Variants in IKBKB-DT observed in about 807,000 individuals in gnomAD.
The protein encoded by IKBKB-DT is IKBKB divergent transcript, also known as IKBKB antisense RNA.
intron 3 of IKBKB-DT, among the ~76,000 whole-genome samples, chr8:42,262,481 C>A (rs1246861835): frequency 6.8e-6 from 1 of 146,028 alleles, no homozygotes; most frequent in Non-Finnish European, 1.5e-5. Context: ...ACTCTGTGGC[C>A]CAGGCTGGAG....
chr8:42,241,488 T>C (rs1022728361), intron 3 of IKBKB-DT, among the ~76,000 whole-genome samples: 2 of 152,074 alleles, frequency 1.3e-5, no homozygotes, highest in Non-Finnish European at 2.9e-5. Flanking sequence ...CTGCTTCTAG[T>C]TTCAAAATGT....
chr8:42,236,492 G>A (rs193062194), intron 3 of IKBKB-DT, among the ~76,000 whole-genome samples: 159 of 152,306 alleles, frequency 1.0e-3, no homozygotes, highest in Middle Eastern at 0.01. Context: ...GGGGCTGGGC[G>A]CAGTGTCTCA....
chr8:42,256,026 CA>C (rs57264654), intron 3 of IKBKB-DT, among the ~76,000 whole-genome samples: 67,458 of 128,888 alleles, frequency 0.52, 17,798 homozygotes, highest in Admixed American at 0.64. Flanking sequence ...AACTCCATCT[CA>C]AAAAAAAAAA....
chr8:42,269,690 G>A (rs970064192), intron 1 of IKBKB-DT, among the ~76,000 whole-genome samples: 2 of 151,934 alleles, frequency 1.3e-5, no homozygotes, highest in East Asian at 1.9e-4. Context: ...GGGAGAAACC[G>A]AGCAGCCAGC....
intron 3 of IKBKB-DT, among the ~76,000 whole-genome samples, chr8:42,260,920 AC>A (rs1563278509): frequency 6.6e-6 from 1 of 152,202 alleles, no homozygotes; most frequent in Non-Finnish European, 1.5e-5. Context: ...GTGCAAAGAT[AC>A]AGCCCTTTCC....
intron 3 of IKBKB-DT, among the ~76,000 whole-genome samples, chr8:42,246,192 A>G (rs1279824019): frequency 1.3e-5 from 2 of 152,144 alleles, no homozygotes; most frequent in Non-Finnish European, 2.9e-5. Flanking sequence ...GCATGCCACC[A>G]TGCCGGGCTA....
At chr8:42,238,663 G>T (rs1294696198) in intron 3 of IKBKB-DT, among the ~76,000 whole-genome samples, 1 of 152,190 alleles carries the variant, frequency 6.6e-6, no homozygotes, top group African/African-American at 2.4e-5. Flanking sequence ...CATCCTTGTT[G>T]TAGAACCTAA....
At chr8:42,239,916 G>A (rs1806978756) in intron 3 of IKBKB-DT, among the ~76,000 whole-genome samples, 1 of 151,700 alleles carries the variant, frequency 6.6e-6, no homozygotes, top group Admixed American at 6.6e-5. Flanking sequence ...TGGGATTATA[G>A]GCATGAGCCA....
At chr8:42,258,180 C>CA (rs1807232604) in intron 3 of IKBKB-DT, among the ~76,000 whole-genome samples, 4 of 152,144 alleles carry the variant, frequency 2.6e-5, no homozygotes. Flanking sequence ...GAAGATGAAA[C>CA]TCTAGTTTTA....
At chr8:42,258,038 A>G (rs1807230734) in intron 3 of IKBKB-DT, among the ~76,000 whole-genome samples, 1 of 152,022 alleles carries the variant, frequency 6.6e-6, no homozygotes, top group Non-Finnish European at 1.5e-5. Flanking sequence ...TTCTGATAAG[A>G]CGCAGATTTT....
chr8:42,246,304 A>G (rs1229473535), intron 3 of IKBKB-DT, among the ~76,000 whole-genome samples: 2 of 152,202 alleles, frequency 1.3e-5, no homozygotes, highest in Non-Finnish European at 1.5e-5. Context: ...TTGGAATTAC[A>G]GGTGTAAGCC....
chr8:42,234,281 C>T (rs1376039970), intron 3 of IKBKB-DT, among the ~76,000 whole-genome samples: 2 of 152,186 alleles, frequency 1.3e-5, no homozygotes, highest in Admixed American at 1.3e-4. Flanking sequence ...GTTCGCCTGA[C>T]TTTCCTGGTG....
intron 1 of IKBKB-DT, among the ~76,000 whole-genome samples, chr8:42,269,047 G>A (rs1807425121): frequency 6.6e-6 from 1 of 151,572 alleles, no homozygotes; most frequent in Non-Finnish European, 1.5e-5. Context: ...AGAAGCGGTG[G>A]CTCACACCTG....
intron 3 of IKBKB-DT, chr8:42,255,293 T>G (rs1417732243): frequency 6.6e-6 from 1 of 152,192 alleles, no homozygotes; most frequent in South Asian, 2.1e-4. Flanking sequence ...AGTTTACTTT[T>G]TAATTAAAAA....
intron 3 of IKBKB-DT, among the ~76,000 whole-genome samples, chr8:42,252,128 A>G (rs1273800807): frequency 1.3e-5 from 2 of 152,238 alleles, no homozygotes; most frequent in African/African-American, 4.8e-5. Flanking sequence ...ATATGCAGTA[A>G]AAGAGCAGGT....
chr8:42,236,665 G>A (rs1033327499), intron 3 of IKBKB-DT, among the ~76,000 whole-genome samples: 1 of 152,192 alleles, frequency 6.6e-6, no homozygotes, highest in African/African-American at 2.4e-5. Context: ...GCTGAGACAG[G>A]AGAATTGCTT....
intron 3 of IKBKB-DT, among the ~76,000 whole-genome samples, chr8:42,257,749 C>T (rs1025235012): frequency 2.0e-5 from 3 of 151,926 alleles, no homozygotes; most frequent in Non-Finnish European, 4.4e-5. Context: ...GCCTGGGCAG[C>T]ATAGGAGGAG....
intron 3 of IKBKB-DT, among the ~76,000 whole-genome samples, chr8:42,257,337 AC>A (rs1441484238): frequency 1.3e-5 from 2 of 151,756 alleles, no homozygotes; most frequent in Non-Finnish European, 2.9e-5. Context: ...CCCCATCTCT[AC>A]TAAAAATACA....
intron 3 of IKBKB-DT, among the ~76,000 whole-genome samples, chr8:42,258,399 C>A (rs1323235598): frequency 6.6e-6 from 1 of 152,004 alleles, no homozygotes; most frequent in African/African-American, 2.4e-5. Context: ...CTTGCCTTGG[C>A]CTCTTGAGTA....
Sources: gnomAD v4.1 joint callset for allele counts (sites outside exome capture counted in the v4.1 genomes callset) on GRCh38, gnomAD v4.1.1 for gene constraint, MANE v1.5 for transcripts, NCBI Gene and HGNC (gene_info 2026-07-23, HGNC 2026-07-21) for gene names.